Variants in ALOX12B observed in about 807,000 individuals in gnomAD.
The protein encoded by ALOX12B is arachidonate 12-lipoxygenase, 12R-type.
Under a neutral mutation model 78.9 loss-of-function variants are expected in ALOX12B, and 47 were observed. That is an observed-to-expected ratio of 0.60 (90% CI 0.47 to 0.76). ALOX12B has a LOEUF of 0.76. Ranked by LOEUF, ALOX12B falls within the 30% of genes least tolerant of loss-of-function variation. ALOX12B has a pLI of 0.00. For missense variants in ALOX12B, 805 were observed against 922.6 expected (o/e 0.87, Z 1.65); for synonymous variants, 370 against 374.5 (o/e 0.99, Z 0.14).
chr17:8,076,036 C>G (rs1056031353), intron 11 of ALOX12B, 139 bp downstream of exon 11: 11 of 1,182,782 alleles, frequency 9.3e-6, no homozygotes, highest in African/African-American at 4.5e-5. Flanking sequence ...GATGGACACA[C>G]AGACCCCAGG....
Position 8,087,150 on chromosome 17 carries a change from C to T in ALOX12B, c.147+146G>A, listed in dbSNP as rs918887756. On this transcript the variant is annotated intron_variant, in intron 1 of 14. Transcript: ENST00000647874. Reference sequence around the variant, plus strand: ...GTGCCTCAGCTCTCCAGCCTCTCCTCGCCAAGCTCAGCTCACCTGGCTCCC... The same window carrying T: ...GTGCCTCAGCTCTCCAGCCTCTCCTTGCCAAGCTCAGCTCACCTGGCTCCC... 25 of 1,236,290 alleles carry T rather than the reference C, an allele frequency of 2.0e-5. No individual in the cohort carries two copies. The South Asian group carries it at 2.1e-4, about 10-fold the overall frequency. The allele number at this position is 1,236,290 out of a possible 1,614,324, so 76.6% of individuals were successfully genotyped here. A position where few individuals can be genotyped will look rare whatever the true frequency, so the allele number is the denominator to read the frequency against.
chr17:8,083,508 A>C (rs955498170), intron 2 of ALOX12B, among the ~76,000 whole-genome samples: 6 of 152,104 alleles, frequency 3.9e-5, no homozygotes, highest in Non-Finnish European at 8.8e-5. Context: ...AGGCAGGTGG[A>C]TCATGAGGTC....
Position 8,072,933 on chromosome 17 carries a change from G to C in ALOX12B, c.1944C>G (p.Phe648Leu). The change falls in exon 15 of 15, where the codon TTC becomes TTG. Residue 648 changes from phenylalanine to leucine, a missense_variant. By Grantham distance (22) the Phe-to-Leu change is conservative. Transcript: ENST00000647874. Reference protein sequence around the residue: ...EPDDRRPLGHFPDIHFVEEAP... With the variant: ...EPDDRRPLGHLPDIHFVEEAP... ...CCTCCTCCACGAAGTGAATGTCCGG[G>C]AAGTGTCCCAGGGGCCGCTGCGGGC... is the stretch of plus-strand genomic sequence containing the variant. The C allele has an allele frequency of 6.2e-7, 1 of 1,613,158 alleles. No individual in the cohort carries two copies. Among genetic ancestry groups the C allele is most frequent in the Non-Finnish European group, 8.5e-7 (1 of 1,179,568 alleles).
chr17:8,081,991 A>G, intron 2 of ALOX12B, among the ~76,000 whole-genome samples: 1 of 152,128 alleles, frequency 6.6e-6, no homozygotes, highest in East Asian at 1.9e-4. Context: ...AACATTCGGT[A>G]TTTGACTTTC....
Position 8,081,158 on chromosome 17 carries a change from CG to C in ALOX12B, c.381del (p.Val128SerfsTer69), listed in dbSNP as rs1567983707. The C allele has an allele frequency of 1.9e-6, 3 of 1,613,792 alleles. No individual in the cohort carries two copies. In the African/African-American group the frequency reaches 4.0e-5, roughly 22 times the overall value. On this transcript the variant is annotated frameshift_variant, in exon 3 of 15. Coordinates refer to ENST00000647874, the MANE Select transcript of ALOX12B (RefSeq NM_001139.3). LOFTEE classifies it high-confidence loss of function. ...TGKTTADDSL[P>X]VLLEHRKEEI... ...TCCTCTTTTCTGTGCTCCAGGAGGA[CG>C]GGGAGCGAGTCATCTGCTGTTGTCT... is the stretch of plus-strand genomic sequence containing the variant.
chr17:8,076,817 T>C, intron 9 of ALOX12B, 74 bp from the exon 10 acceptor site: 1 of 1,486,246 alleles, frequency 6.7e-7, no homozygotes, highest in Non-Finnish European at 9.2e-7. Context: ...CCCATTTCTG[T>C]AACGTCAGAT....
chr17:8,084,198 T>C (rs9892725), intron 2 of ALOX12B, among the ~76,000 whole-genome samples: 110,516 of 151,992 alleles, frequency 0.73, 40,709 homozygotes, highest in African/African-American at 0.86. Flanking sequence ...AGCTAGTCAG[T>C]GGAAGAACTG....
chr17:8,073,588 T>C (rs1598177216), intron 13 of ALOX12B, 69 bp downstream of exon 13: 1 of 1,422,442 alleles, frequency 7.0e-7, no homozygotes, highest in Non-Finnish European at 9.9e-7. Context: ...GGGTTTGAGG[T>C]TGGGGCATGG....
Position 8,080,966 on chromosome 17 carries a change from A to C in ALOX12B, c.445T>G (p.Phe149Val), listed in dbSNP as rs1341196042. Residue 149 changes from phenylalanine to valine, a missense_variant, in exon 4 of 15, where the codon TTT (phenylalanine) becomes GTT (valine). Transcript: ENST00000647874. This position sits in a 1 kb window ranked among gnomAD's most constrained non-coding sequence, Gnocchi z 4.8. ...ACATAGCTGGGCAGGCCAGGAAGAA[A>C]GACTCGCCAGCTGCAAGGGAAACCG... ...AKQDFYHWRV[F>V]LPGLPSYVHI... 1 of 1,613,918 alleles carries C rather than the reference A, an allele frequency of 6.2e-7. No homozygotes were observed. The highest frequency in any genetic ancestry group is 1.1e-5 in the South Asian group (1 of 91,080).
chr17:8,086,084 C>G lies in ALOX12B; in HGVS notation c.284G>C (p.Arg95Pro), dbSNP rs150641093. ...CTGGTAGGCGGGGAAGTGGTAGATA[C>G]GGCCGTTGGGGGCACAGATCTGCAC... is the stretch of plus-strand genomic sequence containing the variant. Reference protein sequence around the residue: ...NYVQICAPNGRIYHFPAYQWM... With the variant: ...NYVQICAPNGPIYHFPAYQWM... Residue 95 changes from arginine (R) to proline (P), a missense_variant, in exon 2 of 15, where the codon CGT becomes CCT. Physicochemically the swap from Arg to Pro is moderately radical, Grantham distance 103. Coordinates refer to ENST00000647874, the MANE Select transcript of ALOX12B (RefSeq NM_001139.3). 1.9e-6 allele frequency: 3 copies of G among 1,614,138 alleles called. No homozygotes were observed. Among genetic ancestry groups the G allele is most frequent in the South Asian group, 1.1e-5 (1 of 91,082 alleles).
Position 8,080,441 on chromosome 17 carries a change from G to T in ALOX12B, c.651-103C>A, listed in dbSNP as rs1977190193. 16 of 1,441,444 alleles carry T rather than the reference G, an allele frequency of 1.1e-5. No individual in the cohort carries two copies. The highest frequency in any genetic ancestry group is 1.5e-5 in the Non-Finnish European group (15 of 1,025,364). The allele number at this position is 1,441,444 out of a possible 1,614,324, so 89.3% of individuals were successfully genotyped here. On this transcript the variant is annotated intron_variant, in intron 5 of 14. Coordinates refer to ENST00000647874, the MANE Select transcript of ALOX12B (RefSeq NM_001139.3). This position sits in a 1 kb window ranked among gnomAD's most constrained non-coding sequence, Gnocchi z 4.8. ...ATCCACTTAGGTCTCTGGGTCTCAG[G>T]GTCTGTGCGTCGCAAAGTCTCTGGG...
Position 8,076,979 on chromosome 17 carries a change from C to G in ALOX12B, c.1275+11G>C. On this transcript the variant is annotated intron_variant, in intron 9 of 14. Coordinates refer to ENST00000647874, the MANE Select transcript of ALOX12B (RefSeq NM_001139.3). ...GATGCCTGGGGGAGGCCCCTTCTCCCAAGCCCATACCTTGTAGAGGGGGTG... is the reference window on the plus strand; with the variant it reads ...GATGCCTGGGGGAGGCCCCTTCTCCGAAGCCCATACCTTGTAGAGGGGGTG... 1 of 1,611,702 alleles carries G rather than the reference C, an allele frequency of 6.2e-7. No individual in the cohort carries two copies. The highest frequency in any genetic ancestry group is 8.5e-7 in the Non-Finnish European group (1 of 1,179,218).
rs1598178175 is a variant in ALOX12B at position 8,075,782 on chromosome 17, C to T, written c.1533-66G>A. 7 of 1,613,558 alleles carry T rather than the reference C, an allele frequency of 4.3e-6. No homozygotes were observed. In the East Asian group the frequency reaches 1.6e-4, roughly 36 times the overall value. ...TCCCACTCCTCAGCCAGGCTTCTCC[C>T]ACCTCCCCCAGGGTGCCCTGACCTC... On this transcript the variant is annotated intron_variant, in intron 11 of 14. Transcript: ENST00000647874.
chr17:8,078,894 C>CTTTTTT (rs398030274), intron 8 of ALOX12B, among the ~76,000 whole-genome samples: 1 of 115,294 alleles, frequency 8.7e-6, no homozygotes, highest in Non-Finnish European at 1.8e-5. Flanking sequence ...AATACTGGGA[C>CTTTTTT]TTTTTTTTTT....
chr17:8,072,932 G>A lies in ALOX12B; in HGVS notation c.1945C>T (p.Pro649Ser). ...GCCTCCTCCACGAAGTGAATGTCCG[G>A]GAAGTGTCCCAGGGGCCGCTGCGGG... ...PDDRRPLGHFPDIHFVEEAPR... is the reference protein window; with the variant it reads ...PDDRRPLGHFSDIHFVEEAPR... Residue 649 changes from proline (P) to serine (S), a missense_variant, in exon 15 of 15, where the codon CCG (proline) becomes TCG (serine). Physicochemically the swap from Pro to Ser is moderately conservative, Grantham distance 74. Coordinates refer to ENST00000647874, the MANE Select transcript of ALOX12B (RefSeq NM_001139.3). The A allele has an allele frequency of 2.5e-6, 4 of 1,613,212 alleles. No homozygotes were observed. Among genetic ancestry groups the A allele is most frequent in the Non-Finnish European group, 3.4e-6 (4 of 1,179,598 alleles).
In ALOX12B at chr17:8,080,963, G is replaced by T; in HGVS notation, c.448C>A (p.Leu150Ile). ...TGCACATAGCTGGGCAGGCCAGGAA[G>T]AAAGACTCGCCAGCTGCAAGGGAAA... Reference protein sequence around the residue: ...KQDFYHWRVFLPGLPSYVHIP... With the variant: ...KQDFYHWRVFIPGLPSYVHIP... Residue 150 changes from leucine to isoleucine, a missense_variant, in exon 4 of 15, where the codon CTT (leucine) becomes ATT (isoleucine). Physicochemically the swap from Leu to Ile is conservative, Grantham distance 5. Transcript: ENST00000647874. The surrounding 1 kb of genome is among the most constrained non-coding windows in gnomAD (Gnocchi z 4.8). 1 of 1,613,940 alleles carries T rather than the reference G, an allele frequency of 6.2e-7. No homozygotes were observed.
At chr17:8,085,335 G>A (rs1262429975) in intron 2 of ALOX12B, among the ~76,000 whole-genome samples, 1 of 152,090 alleles carries the variant, frequency 6.6e-6, no homozygotes, top group Non-Finnish European at 1.5e-5. Flanking sequence ...GCAAAAACTA[G>A]CATCAGGAGG....
At chr17:8,081,333 G>A (rs1408812658) in intron 2 of ALOX12B, 146 bp from the exon 3 acceptor site, 4 of 761,252 alleles carry the variant, frequency 5.3e-6, no homozygotes, top group Non-Finnish European at 7.0e-6. Context: ...GAGAGTGAAG[G>A]TGCGTCCTGT....
rs1977189637 is a variant in ALOX12B, at chr17:8,080,414, C to T, written c.651-76G>A. The T allele has an allele frequency of 2.0e-6, 3 of 1,534,758 alleles. No individual in the cohort carries two copies. The highest frequency in any genetic ancestry group is 2.7e-6 in the Non-Finnish European group (3 of 1,108,404). On this transcript the variant is annotated intron_variant, in intron 5 of 14. Transcript: ENST00000647874. This position sits in a 1 kb window ranked among gnomAD's most constrained non-coding sequence, Gnocchi z 4.8. Reference sequence around the variant, plus strand: ...GGCTGGGGCAGGTGGCGGGGCCGCCCCATCCACTTAGGTCTCTGGGTCTCA... The same window carrying T: ...GGCTGGGGCAGGTGGCGGGGCCGCCTCATCCACTTAGGTCTCTGGGTCTCA...
Sources: allele counts gnomAD v4.1 joint callset (sites outside exome capture counted in the v4.1 genomes callset), GRCh38; gene constraint gnomAD v4.1.1; non-coding constraint Gnocchi (gnomAD v3.1); transcripts MANE v1.5; gene names NCBI Gene and HGNC (gene_info 2026-07-23, HGNC 2026-07-21).